Variants in VAC14 observed in about 807,000 individuals in gnomAD.
VAC14 encodes protein VAC14 homolog.
In VAC14, 47 loss-of-function variants were observed where a neutral mutation model predicts 85.3. The ratio of observed to expected loss-of-function variants is 0.55; its 90% CI spans 0.44 to 0.70. The LOEUF is 0.70. VAC14 is among the 30% of genes least tolerant of loss of function. VAC14 has a pLI of 0.00. For synonymous variants in VAC14, 447 were observed against 430.5 expected, an observed-to-expected ratio of 1.04 and a Z score of -0.47; for missense variants, 861 against 1,004.3, an observed-to-expected ratio of 0.86 and a Z score of 1.93.
intron 14 of VAC14, among the ~76,000 whole-genome samples, chr16:70,720,988 G>C (rs2054276934): frequency 6.6e-6 from 1 of 152,246 alleles, no homozygotes; most frequent in Non-Finnish European, 1.5e-5. Flanking sequence ...TCTCAGCTTG[G>C]CTTCAAAGAG....
chr16:70,711,808 A>G (rs908335823), intron 14 of VAC14, among the ~76,000 whole-genome samples: 2 of 152,220 alleles, frequency 1.3e-5, no homozygotes, highest in Non-Finnish European at 2.9e-5. Context: ...TCTAGGCTTT[A>G]TAAGTGCCCA....
chr16:70,787,938 C>T (rs767929947), intron 1 of VAC14, among the ~76,000 whole-genome samples: 79 of 152,242 alleles, frequency 5.2e-4, no homozygotes, highest in Admixed American at 2.7e-3. Context: ...GGACAGGAAG[C>T]GTGAGGGATG....
intron 14 of VAC14, 50 bp from the exon 15 acceptor site, chr16:70,698,861 C>G (rs1202033253): frequency 6.3e-7 from 1 of 1,584,518 alleles, no homozygotes; most frequent in Non-Finnish European, 8.6e-7. Context: ...CTGGAAGGCT[C>G]TGTGTCTCAG....
At chr16:70,744,934 G>A (rs1226146963) in intron 12 of VAC14, 3 of 221,790 alleles carry the variant, frequency 1.4e-5, no homozygotes, top group South Asian at 9.7e-5. Flanking sequence ...TATCTGCACA[G>A]TGTGCACTTC....
intron 12 of VAC14, among the ~76,000 whole-genome samples, chr16:70,750,083 C>T (rs1205152632): frequency 6.6e-6 from 1 of 152,166 alleles, no homozygotes; most frequent in Admixed American, 6.5e-5. Flanking sequence ...GAGGAGAAGG[C>T]GATCTCAGTG....
At chr16:70,776,219 G>C (rs1171721459) in intron 9 of VAC14, among the ~76,000 whole-genome samples, 1 of 152,154 alleles carries the variant, frequency 6.6e-6, no homozygotes, top group Non-Finnish European at 1.5e-5. Flanking sequence ...TCCTGCCTCA[G>C]TCTCCCAAGT....
intron 14 of VAC14, among the ~76,000 whole-genome samples, chr16:70,712,289 T>C (rs1303613357): frequency 6.6e-6 from 1 of 152,126 alleles, no homozygotes; most frequent in Non-Finnish European, 1.5e-5. Flanking sequence ...AGCTCTGGGT[T>C]ACAGGCGAGG....
chr16:70,796,923 G>C lies in VAC14; in HGVS notation c.104+3874C>G, dbSNP rs574957769. On this transcript the variant is annotated intron_variant, in intron 1 of 18. Coordinates refer to ENST00000261776, the MANE Select transcript of VAC14 (RefSeq NM_018052.5). ...TGGGGCCCTTGATTCCATAGGATCAGTGTCCTCATAAAAGGAGACACCAGG... is the reference window on the plus strand; with the variant it reads ...TGGGGCCCTTGATTCCATAGGATCACTGTCCTCATAAAAGGAGACACCAGG... Among the ~76,000 whole-genome samples, 442 of 152,260 alleles carry C rather than the reference G, an allele frequency of 2.9e-3. 3 individuals carry two copies. Among genetic ancestry groups the C allele is most frequent in the Non-Finnish European group, 4.8e-3 (324 of 68,014 alleles).
chr16:70,748,131 C>A (rs766961550), intron 12 of VAC14, among the ~76,000 whole-genome samples: 1 of 132,504 alleles, frequency 7.5e-6, no homozygotes, highest in Non-Finnish European at 1.5e-5. Flanking sequence ...AGCTCTGGTC[C>A]CCAAACCTGA....
At chr16:70,778,802 G>C (rs568030167) in intron 9 of VAC14, 12 of 152,328 alleles carry the variant, frequency 7.9e-5, no homozygotes, top group African/African-American at 2.2e-4. Flanking sequence ...CTTGGGGATA[G>C]TCTTGTTTCT....
chr16:70,712,526 G>T (rs1328589954), intron 14 of VAC14, among the ~76,000 whole-genome samples: 1 of 152,206 alleles, frequency 6.6e-6, no homozygotes, highest in Non-Finnish European at 1.5e-5. Flanking sequence ...GCCGGGCTCA[G>T]GATCCGGAGG....
intron 8 of VAC14, 120 bp downstream of exon 8, chr16:70,781,749 C>T: frequency 7.2e-7 from 1 of 1,384,582 alleles, no homozygotes; most frequent in Non-Finnish European, 9.8e-7. Flanking sequence ...TCCCGAGCTG[C>T]TAGGGACTAT....
At chr16:70,772,004 C>A in intron 10 of VAC14, 105 bp downstream of exon 10, 1 of 1,022,628 alleles carries the variant, frequency 9.8e-7, no homozygotes, top group Non-Finnish European at 1.5e-6. Flanking sequence ...AAAGCAGCAG[C>A]CGCGAGTAGA....
chr16:70,780,628 G>A (rs2033762841), intron 9 of VAC14, among the ~76,000 whole-genome samples, 162 bp downstream of exon 9: 1 of 152,210 alleles, frequency 6.6e-6, no homozygotes, highest in Non-Finnish European at 1.5e-5. Context: ...CAGAATGGGG[G>A]AGAACCACTG....
chr16:70,701,870 G>A (rs918466318), intron 14 of VAC14, among the ~76,000 whole-genome samples: 13 of 152,250 alleles, frequency 8.5e-5, no homozygotes, highest in Middle Eastern at 3.4e-3. Context: ...CCAAGCCCAC[G>A]TGGCCCTAGA....
chr16:70,748,816 C>T (rs115000598), intron 12 of VAC14, among the ~76,000 whole-genome samples: 2,379 of 152,180 alleles, frequency 0.016, 60 homozygotes, highest in African/African-American at 0.054. Context: ...TATGGTGCTG[C>T]GAATCTGTAA....
At chr16:70,782,093 G>T in intron 7 of VAC14, 90 bp from the exon 8 acceptor site, 1 of 1,519,708 alleles carries the variant, frequency 6.6e-7, no homozygotes, top group Middle Eastern at 2.4e-4. Context: ...TGGGGCTGGC[G>T]GCCTGTGGAA....
At chr16:70,784,669 A>G (rs1450641243) in intron 4 of VAC14, 107 bp downstream of exon 4, 1 of 1,119,868 alleles carries the variant, frequency 8.9e-7, no homozygotes, top group South Asian at 1.3e-5. Flanking sequence ...AATTTAAAAT[A>G]TATTTTAAAT....
intron 14 of VAC14, among the ~76,000 whole-genome samples, chr16:70,726,552 C>T (rs962342729): frequency 2.0e-5 from 3 of 152,188 alleles, no homozygotes; most frequent in African/African-American, 4.8e-5. Flanking sequence ...GCACTATCAT[C>T]GCTGCGTCAC....
Sources: gnomAD v4.1 joint callset for allele counts (sites outside exome capture counted in the v4.1 genomes callset) on GRCh38, gnomAD v4.1.1 for gene constraint, MANE v1.5 for transcripts, NCBI Gene and HGNC (gene_info 2026-07-23, HGNC 2026-07-21) for gene names.